Variants in CANX observed in about 807,000 individuals in gnomAD.
CANX encodes epididymis secretory sperm binding protein.
A neutral mutation model predicts 75.7 loss-of-function variants in CANX; 14 were observed. The observed-to-expected ratio is 0.19, with a 90% CI of 0.12 to 0.29. The LOEUF is 0.29. CANX is among the 10% of genes least tolerant of loss of function. CANX has a pLI of 1.00. For missense variants in CANX, 567 were observed against 713.2 expected, an observed-to-expected ratio of 0.79 and a Z score of 2.34; for synonymous variants, 227 against 236.9, an observed-to-expected ratio of 0.96 and a Z score of 0.38.
Position 179,684,033 on chromosome 5 carries a change from A to G in CANX, c.-4+5256A>G, listed in dbSNP as rs909194477. Among the ~76,000 whole-genome samples, 13 of 152,300 alleles carry G rather than the reference A, an allele frequency of 8.5e-5. 1 individual carries two copies. In the South Asian group the frequency reaches 2.5e-3, roughly 29 times the overall value. On this transcript the variant is annotated intron_variant, in intron 1 of 14. Coordinates refer to the CANX transcript ENST00000681674. The stretch of plus-strand genomic sequence containing the variant: ...TTCCAGTTTGGGGGCTATTGCAAAT[A>G]AAACTGCTCTGAACATTTTTGCTCA...
intron 7 of CANX, among the ~76,000 whole-genome samples, chr5:179,712,183 G>A (rs1050608166): frequency 6.9e-6 from 1 of 144,608 alleles, no homozygotes; most frequent in African/African-American, 2.6e-5. Context: ...TGTTGTTGTT[G>A]TTGAGAAATG....
upstream of CANX, among the ~76,000 whole-genome samples, chr5:179,695,384 C>T (rs569869856): frequency 2.0e-5 from 3 of 151,984 alleles, 1 homozygote; most frequent in South Asian, 6.2e-4. Flanking sequence ...GGCTGGAGTG[C>T]AATGGCGCAA....
chr5:179,706,968 A>T (rs1197625124), intron 3 of CANX, among the ~76,000 whole-genome samples, 164 bp from the exon 4 acceptor site: 1 of 152,210 alleles, frequency 6.6e-6, no homozygotes, highest in Non-Finnish European at 1.5e-5. Flanking sequence ...TGTGAGTTGA[A>T]GATAATGTAT....
chr5:179,702,449 CTGTT>C (rs1324330926), intron 1 of CANX, among the ~76,000 whole-genome samples: 1 of 144,142 alleles, frequency 6.9e-6, no homozygotes, highest in Admixed American at 7.0e-5. Flanking sequence ...TTTGTGGTAT[CTGTT>C]TGTGAATTGC....
At chr5:179,705,289 G>C (rs1293623203) in intron 1 of CANX, among the ~76,000 whole-genome samples, 2 of 152,118 alleles carry the variant, frequency 1.3e-5, no homozygotes, top group Non-Finnish European at 2.9e-5. Flanking sequence ...GGCCATCTCT[G>C]TTATTTCATT....
upstream of CANX, among the ~76,000 whole-genome samples, chr5:179,697,912 T>G (rs963566175): frequency 2.6e-5 from 4 of 151,902 alleles, no homozygotes; most frequent in East Asian, 3.9e-4. Flanking sequence ...AAAAAAAATT[T>G]GGGGGTTGAG....
intron 7 of CANX, among the ~76,000 whole-genome samples, chr5:179,714,441 GA>G (rs1394126822): frequency 6.6e-6 from 1 of 152,020 alleles, no homozygotes; most frequent in Non-Finnish European, 1.5e-5. Flanking sequence ...TCAGCATTGT[GA>G]TATATATTTG....
intron 1 of CANX, among the ~76,000 whole-genome samples, chr5:179,702,328 A>C (rs1467977199): frequency 6.6e-6 from 1 of 151,492 alleles, no homozygotes; most frequent in Non-Finnish European, 1.5e-5. Flanking sequence ...CTGGGATTAC[A>C]CGCGCGAGCC....
At position 179,719,539 on chromosome 5, in the gene CANX, T is replaced by C. The variant is rs1348758499; in HGVS notation, c.912-129T>C. On this transcript the variant is annotated intron_variant, in intron 8 of 14. Transcript: ENST00000247461. ...AGCAGATATATGATTTACAAGTATTTTCTAAGAGGAATTATTTTAAATTTT... is the reference window on the plus strand; with the variant it reads ...AGCAGATATATGATTTACAAGTATTCTCTAAGAGGAATTATTTTAAATTTT... 7.7e-6 allele frequency: 4 copies of C among 517,316 alleles called. No homozygotes were observed. In the East Asian group the frequency reaches 9.1e-5, roughly 12 times the overall value. The allele number at this position is 517,316 out of a possible 1,614,324, so 32.0% of individuals were successfully genotyped here.
intron 1 of CANX, among the ~76,000 whole-genome samples, chr5:179,686,986 A>G (rs543372056): frequency 6.6e-6 from 1 of 152,242 alleles, no homozygotes; most frequent in South Asian, 2.1e-4. Flanking sequence ...CATATTGGTC[A>G]GGCTGGTCTT....
exon 1 of CANX, chr5:179,678,693 C>G: frequency 2.0e-6 from 3 of 1,536,820 alleles, no homozygotes; most frequent in South Asian, 1.2e-5. Flanking sequence ...GGGATCACCT[C>G]GGGGTTGCGC....
At chr5:179,696,242 T>C (rs934054285), upstream of CANX, among the ~76,000 whole-genome samples, 2 of 150,126 alleles carry the variant, frequency 1.3e-5, no homozygotes, top group Non-Finnish European at 3.0e-5. Flanking sequence ...AAAAATCATA[T>C]GCATGTTTAA....
chr5:179,723,606 C>G, intron 11 of CANX, 54 bp from the exon 12 acceptor site: 1 of 1,598,288 alleles, frequency 6.3e-7, no homozygotes, highest in Non-Finnish European at 8.5e-7. Context: ...ACAGCACGGC[C>G]TATGTTTGGT....
At chr5:179,722,307 C>T (rs1167915896) in intron 10 of CANX, among the ~76,000 whole-genome samples, 1 of 152,228 alleles carries the variant, frequency 6.6e-6, no homozygotes, top group Non-Finnish European at 1.5e-5. Context: ...AGTTGTTCTC[C>T]TGTTGGTGGC....
At chr5:179,713,416 T>C (rs1366759905) in intron 7 of CANX, among the ~76,000 whole-genome samples, 3 of 152,156 alleles carry the variant, frequency 2.0e-5, no homozygotes, top group Non-Finnish European at 2.9e-5. Flanking sequence ...ATTTAAGGTA[T>C]AGAAATTCAG....
At chr5:179,709,136 C>T (rs72809766) in intron 6 of CANX, 77 bp downstream of exon 6, 222,733 of 878,282 alleles carry the variant, frequency 0.25, 31,687 homozygotes, top group Non-Finnish European at 0.3. Context: ...GGGCCGGGTG[C>T]AGTGGCTCAC....
chr5:179,698,638 G>A (rs1451810209), upstream of CANX: 8 of 1,245,186 alleles, frequency 6.4e-6, no homozygotes, highest in Middle Eastern at 2.2e-4. Context: ...GGAACGCCCC[G>A]AAGGCACCAC....
At chr5:179,688,182 C>T (rs1289950719) in intron 1 of CANX, among the ~76,000 whole-genome samples, 5 of 149,504 alleles carry the variant, frequency 3.3e-5, no homozygotes, top group African/African-American at 9.8e-5. Flanking sequence ...CTCAGCCTCC[C>T]GAGTAGCTGG....
intron 1 of CANX, among the ~76,000 whole-genome samples, chr5:179,685,772 C>G (rs1027806825): frequency 1.3e-5 from 2 of 151,878 alleles, no homozygotes; most frequent in Admixed American, 6.6e-5. Flanking sequence ...CAAGGCTGGT[C>G]TCAAACTCCA....
Sources: allele counts gnomAD v4.1 joint callset (sites outside exome capture counted in the v4.1 genomes callset), GRCh38; gene constraint gnomAD v4.1.1; transcripts MANE v1.5; gene names NCBI Gene and HGNC (gene_info 2026-07-23, HGNC 2026-07-21).